Variants in S100Z observed in about 807,000 individuals in gnomAD.
S100Z encodes protein S100-Z.
S100Z carries 11 observed loss-of-function variants against 8.5 expected under a neutral mutation model. The observed-to-expected ratio is 1.30, with a 90% CI of 0.82 to 2.15. S100Z has a LOEUF of 2.15. Ranked by LOEUF, S100Z falls within the 30% of genes most tolerant of loss-of-function variation. The pLI is 0.00. For synonymous variants in S100Z, 34 were observed against 43.8 expected (o/e 0.78, Z 0.89); for missense variants, 126 against 117.9 (o/e 1.07, Z -0.32).
At chr5:76,950,815 A>C in the S100Z span, among the ~76,000 whole-genome samples, 11,744 of 152,234 alleles carry the variant, frequency 0.077, 723 homozygotes, top group African/African-American at 0.17. Flanking sequence ...GCAGTCCATG[A>C]AAATAATTTA....
the S100Z span, among the ~76,000 whole-genome samples, chr5:76,943,477 T>G: frequency 6.6e-6 from 1 of 152,230 alleles, no homozygotes; most frequent in Non-Finnish European, 1.5e-5. Flanking sequence ...AGACAAGTTT[T>G]AAAACCACGG....
intron 1 of S100Z, among the ~76,000 whole-genome samples, chr5:76,864,202 T>C (rs1315693486): frequency 6.6e-6 from 1 of 151,848 alleles, no homozygotes; most frequent in East Asian, 1.9e-4. Flanking sequence ...AACTGAAAAA[T>C]TCTTCTTGCT....
chr5:76,875,641 A>G, intron 3 of S100Z, 141 bp downstream of exon 3: 1 of 726,698 alleles, frequency 1.4e-6, no homozygotes, highest in South Asian at 2.4e-5. Context: ...ATATAGGGGA[A>G]GCAAACACTG....
rs187885343 is a variant in S100Z, at chr5:76,907,921, G to A, written c.*3-12796G>A. Among the ~76,000 whole-genome samples, 50 of 152,272 alleles carry A rather than the reference G, an allele frequency of 3.3e-4. No individual in the cohort carries two copies. The East Asian group carries it at 9.3e-3, about 28-fold the overall frequency. On this transcript the variant is annotated intron_variant, in intron 4 of 4. Transcript: ENST00000317593. ...AGGCAGGCATATCACTTGAGCCCAG[G>A]AGTTTGAGACCAGCCTGGGCAGCAT...
intron 4 of S100Z, among the ~76,000 whole-genome samples, chr5:76,879,860 G>A (rs1743332594): frequency 6.6e-6 from 1 of 152,150 alleles, no homozygotes; most frequent in Admixed American, 6.6e-5. Context: ...GAAGTAGGAT[G>A]AGAACGAAGA....
At chr5:76,903,612 C>T (rs1744311976) in intron 4 of S100Z, among the ~76,000 whole-genome samples, 1 of 151,956 alleles carries the variant, frequency 6.6e-6, no homozygotes. Flanking sequence ...AAAATTTTAC[C>T]TTTCTAATAG....
At chr5:76,928,579 C>T in the S100Z span, among the ~76,000 whole-genome samples, 1 of 152,168 alleles carries the variant, frequency 6.6e-6, no homozygotes, top group African/African-American at 2.4e-5. Flanking sequence ...ACACAGATTC[C>T]ATCTTCCCTT....
At chr5:76,858,392 A>G (rs1258081362) in intron 1 of S100Z, among the ~76,000 whole-genome samples, 3 of 152,146 alleles carry the variant, frequency 2.0e-5, no homozygotes, top group African/African-American at 7.2e-5. Context: ...GTGTGGTGGC[A>G]CTTGCCTATA....
the S100Z span, among the ~76,000 whole-genome samples, chr5:76,938,594 G>A: frequency 6.6e-6 from 1 of 152,186 alleles, no homozygotes; most frequent in East Asian, 1.9e-4. Context: ...TGTTAATGAA[G>A]TTTAATTTAT....
intron 4 of S100Z, among the ~76,000 whole-genome samples, chr5:76,892,460 T>A (rs898601493): frequency 3.3e-5 from 5 of 152,164 alleles, no homozygotes; most frequent in Non-Finnish European, 5.9e-5. Flanking sequence ...AGAACATTTA[T>A]TATGATGGTG....
intron 4 of S100Z, among the ~76,000 whole-genome samples, chr5:76,912,700 C>T (rs1054790408): frequency 6.6e-6 from 1 of 152,240 alleles, no homozygotes; most frequent in African/African-American, 2.4e-5. Flanking sequence ...GGAGTGATTG[C>T]ACTCAGTGCA....
At chr5:76,887,136 C>G (rs1342204698) in intron 4 of S100Z, among the ~76,000 whole-genome samples, 1 of 148,916 alleles carries the variant, frequency 6.7e-6, no homozygotes, top group Non-Finnish European at 1.5e-5. Flanking sequence ...CTTGCTCTGT[C>G]ACCAGGCTGG....
chr5:76,853,701 G>T (rs555697784), intron 1 of S100Z, among the ~76,000 whole-genome samples: 2 of 152,024 alleles, frequency 1.3e-5, no homozygotes, highest in African/African-American at 4.8e-5. Flanking sequence ...GGAGGCTGAG[G>T]CAGGATAATT....
At chr5:76,937,688 T>C in the S100Z span, among the ~76,000 whole-genome samples, 1 of 133,934 alleles carries the variant, frequency 7.5e-6, no homozygotes, top group Non-Finnish European at 1.5e-5. Flanking sequence ...AGGAGGTCGA[T>C]GCTGCAGTAA....
the S100Z span, among the ~76,000 whole-genome samples, chr5:76,949,674 G>A: frequency 6.6e-6 from 1 of 152,194 alleles, no homozygotes; most frequent in African/African-American, 2.4e-5. Flanking sequence ...GATGAAACTT[G>A]AGGACATTAT....
chr5:76,917,036 G>A (rs771527929), intron 4 of S100Z, among the ~76,000 whole-genome samples: 10 of 144,576 alleles, frequency 6.9e-5, no homozygotes, highest in Admixed American at 1.5e-4. Context: ...TGAGGCAGGA[G>A]AATGGCTTGA....
At chr5:76,864,673 G>A (rs1751203723) in intron 1 of S100Z, among the ~76,000 whole-genome samples, 1 of 151,358 alleles carries the variant, frequency 6.6e-6, no homozygotes, top group South Asian at 2.1e-4. Flanking sequence ...CAGAGTGCTG[G>A]GATTATAGGC....
At chr5:76,939,296 G>A in the S100Z span, among the ~76,000 whole-genome samples, 78 of 145,676 alleles carry the variant, frequency 5.4e-4, no homozygotes, top group South Asian at 8.8e-4. Flanking sequence ...GGGACTACAG[G>A]CGCCCACCAC....
At chr5:76,912,112 A>G (rs1744685676) in intron 4 of S100Z, among the ~76,000 whole-genome samples, 1 of 152,208 alleles carries the variant, frequency 6.6e-6, no homozygotes, top group Non-Finnish European at 1.5e-5. Context: ...GAGGCTATCA[A>G]AATAATACAA....
Sources: allele counts gnomAD v4.1 joint callset (sites outside exome capture counted in the v4.1 genomes callset), GRCh38; gene constraint gnomAD v4.1.1; transcripts MANE v1.5; gene names NCBI Gene and HGNC (gene_info 2026-07-23, HGNC 2026-07-21).